The following GIP variants were observed in gnomAD, a reference collection of about 807,000 sequenced individuals.
GIP encodes glucose-dependent insulinotropic polypeptide.
Under a neutral mutation model 18.1 loss-of-function variants are expected in GIP, and 16 were observed. That is an observed-to-expected ratio of 0.88 (90% CI 0.60 to 1.34). GIP has a LOEUF of 1.34. Among genes scored for constraint, GIP ranks in the 40% most tolerant of loss-of-function variants. The pLI, the probability that GIP is intolerant of heterozygous loss-of-function variation, is 0.00. For missense variants in GIP, 192 were observed against 183.4 expected (o/e 1.05, Z -0.27); for synonymous variants, 76 against 74.0 (o/e 1.03, Z -0.14).
rs146878322 is a variant in GIP at position 48,959,000 on chromosome 17, G to C, written c.453-284C>G. On this transcript the variant is annotated intron_variant, in intron 5 of 5. Coordinates refer to ENST00000357424, the MANE Select transcript of GIP (RefSeq NM_004123.3). Reference sequence around the variant, plus strand: ...CTCCCGAGTAGCTGGGACTACAGGCGCCCGCCTCCACGCCCAGCTAATTTT... The same window carrying C: ...CTCCCGAGTAGCTGGGACTACAGGCCCCCGCCTCCACGCCCAGCTAATTTT... Among the ~76,000 whole-genome samples, 889 of 151,674 alleles carry C rather than the reference G, an allele frequency of 5.9e-3. 8 individuals carry two copies. The highest frequency in any genetic ancestry group is 0.021 in the African/African-American group (852 of 41,328).
In GIP at chr17:48,965,303, A is replaced by C. The variant is rs1448239574; in HGVS notation, c.87-823T>G. Among the ~76,000 whole-genome samples, 6 of 15,706 alleles carry C rather than the reference A, an allele frequency of 3.8e-4. 1 individual carries two copies. In the Admixed American group the frequency reaches 4.0e-3, roughly 11 times the overall value. 10.3% of individuals were successfully genotyped at this position (15,706 alleles called of 152,430 possible). Reference sequence around the variant, plus strand: ...GGAACAAGAGCAAAACTTCGTCTCAATAAAAAAAAAAAAAAAAAAGGCTGG... The same window carrying C: ...GGAACAAGAGCAAAACTTCGTCTCACTAAAAAAAAAAAAAAAAAAGGCTGG... On this transcript the variant is annotated intron_variant, in intron 2 of 5. Transcript: ENST00000357424.
chr17:48,961,890 T>C (rs1598103206), intron 3 of GIP, 71 bp from the exon 4 acceptor site: 2 of 1,103,706 alleles, frequency 1.8e-6, no homozygotes, highest in Non-Finnish European at 2.7e-6. Flanking sequence ...AATCTTTTAA[T>C]ATCTGAACCC....
At chr17:48,959,777 G>A in intron 5 of GIP, among the ~76,000 whole-genome samples, 1 of 134,536 alleles carries the variant, frequency 7.4e-6, no homozygotes, top group Non-Finnish European at 1.6e-5. Flanking sequence ...GCAGGACACA[G>A]GATGGGCTCA....
intron 2 of GIP, among the ~76,000 whole-genome samples, chr17:48,965,352 C>G (rs1390753328): frequency 5.3e-5 from 8 of 150,088 alleles, no homozygotes; most frequent in Non-Finnish European, 1.0e-4. Flanking sequence ...CGCCTGTAAT[C>G]CCAGCACTCT....
At chr17:48,966,939 G>A (rs2041238725) in intron 2 of GIP, among the ~76,000 whole-genome samples, 1 of 152,182 alleles carries the variant, frequency 6.6e-6, no homozygotes, top group African/African-American at 2.4e-5. Context: ...TCTAACCATA[G>A]TCTCTCCCAC....
In GIP at chr17:48,967,253, G is replaced by T. The variant is rs368305691; in HGVS notation, c.-21C>A. On this transcript the variant is annotated splice_region_variant and 5_prime_UTR_variant, in exon 2 of 6. Transcript: ENST00000357424. ...ACCATCTTCCAAGGTTATTTCCTGA[G>T]CTAAGACAGAAAAAAGCCAGGACAT... is the stretch of plus-strand genomic sequence containing the variant. The T allele has an allele frequency of 1.6e-5, 25 of 1,606,138 alleles. No homozygotes were observed. Among genetic ancestry groups the T allele is most frequent in the Non-Finnish European group, 2.1e-5 (25 of 1,172,882 alleles).
rs2041181033 is a variant in GIP, at chr17:48,958,558, T to C, written c.*149A>G. ...CACAAAGACAAACATGCCCTGTTAG[T>C]GCTCAGTAGTCATTTTAATAAATTT... On this transcript the variant is annotated 3_prime_UTR_variant, in exon 6 of 6. Coordinates refer to ENST00000357424, the MANE Select transcript of GIP (RefSeq NM_004123.3). 1.5e-6 allele frequency: 1 copy of C among 649,830 alleles called. No individual in the cohort carries two copies. Among genetic ancestry groups the C allele is most frequent in the Admixed American group, 2.4e-5 (1 of 41,600 alleles). 40.3% of individuals were successfully genotyped at this position (649,830 alleles called of 1,614,324 possible).
chr17:48,964,323 C>T lies in GIP; in HGVS notation c.244G>A (p.Gly82Arg), dbSNP rs761410381. 6.2e-7 allele frequency: 1 copy of T among 1,613,624 alleles called. No homozygotes were observed. Among genetic ancestry groups the T allele is most frequent in the South Asian group, 1.1e-5 (1 of 91,050 alleles). ...GCAGCGACTCACTCATTCTTCTTCC[C>T]CTTTTGGGCCAGCAGCCAGTTCACA... ...DFVNWLLAQK[G>R]KKNDWKHNIT... The change falls in exon 3 of 6, where the codon GGG (glycine) becomes AGG (arginine). Residue 82 changes from glycine to arginine, a missense_variant. Coordinates refer to ENST00000357424, the MANE Select transcript of GIP (RefSeq NM_004123.3).
intron 2 of GIP, 34 bp from the exon 3 acceptor site, chr17:48,964,514 G>T: frequency 2.5e-6 from 4 of 1,580,450 alleles, no homozygotes; most frequent in East Asian, 2.2e-5. Flanking sequence ...GGGCAGAGAT[G>T]GGGGGAGAAT....
chr17:48,958,617 G>C lies in GIP; in HGVS notation c.*90C>G, dbSNP rs1219391353. The C allele has an allele frequency of 4.9e-6, 5 of 1,021,204 alleles. No individual in the cohort carries two copies. The highest frequency in any genetic ancestry group is 7.5e-6 in the Non-Finnish European group (5 of 667,632). 63.3% of individuals were successfully genotyped at this position (1,021,204 alleles called of 1,614,324 possible). ...GGCTCGACTTAGCATAAACTTTATT[G>C]GTTTGGGTTCTCTTGGCTATTCTGG... On this transcript the variant is annotated 3_prime_UTR_variant, in exon 6 of 6. Coordinates refer to ENST00000357424, the MANE Select transcript of GIP (RefSeq NM_004123.3).
At position 48,964,174 on chromosome 17, in the gene GIP, A is replaced by AC; in HGVS notation, c.257+135_257+136insG. 3 of 595,020 alleles carry AC rather than the reference A, an allele frequency of 5.0e-6. No homozygotes were observed. The South Asian group carries it at 7.4e-5, about 15-fold the overall frequency. 36.9% of individuals were successfully genotyped at this position (595,020 alleles called of 1,614,324 possible). On this transcript the variant is annotated intron_variant, in intron 3 of 5. Coordinates refer to ENST00000357424, the MANE Select transcript of GIP (RefSeq NM_004123.3). The stretch of plus-strand genomic sequence containing the variant: ...GACTCCATCTCAAAAAAAAAAAAAA[A>AC]AAAGAAAAGAAAAAGAAAGGTGCCA...
intron 1 of GIP, among the ~76,000 whole-genome samples, chr17:48,968,171 C>CA (rs2041245611): frequency 6.6e-6 from 1 of 152,088 alleles, no homozygotes; most frequent in Non-Finnish European, 1.5e-5. Flanking sequence ...TGGCTCACTG[C>CA]AGCCTCGACC....
At chr17:48,963,862 A>AAAAAAAAAAAAAAAAAAAG (rs1168878456) in intron 3 of GIP, among the ~76,000 whole-genome samples, 1 of 136,698 alleles carries the variant, frequency 7.3e-6, no homozygotes, top group Non-Finnish European at 1.5e-5. Context: ...AAAAAAAAAA[A>AAAAAAAAAAAAAAAAAAAG]AGAGAGAGAG....
At chr17:48,962,680 T>C (rs2041207237) in intron 3 of GIP, among the ~76,000 whole-genome samples, 1 of 152,014 alleles carries the variant, frequency 6.6e-6, no homozygotes, top group African/African-American at 2.4e-5. Flanking sequence ...GCCAATCCTG[T>C]TTTCAAAGTC....
At chr17:48,967,069 T>C in intron 2 of GIP, 78 bp downstream of exon 2, 1 of 1,065,936 alleles carries the variant, frequency 9.4e-7, no homozygotes. Flanking sequence ...CTTTCTCATC[T>C]CCCCCTAGAA....
chr17:48,964,341 A>G lies in GIP; in HGVS notation c.226T>C (p.Trp76Arg). 6.2e-7 allele frequency: 1 copy of G among 1,613,930 alleles called. No individual in the cohort carries two copies. The highest frequency in any genetic ancestry group is 1.6e-4 in the Middle Eastern group (1 of 6,062). Reference protein sequence around the residue: ...DKIHQQDFVNWLLAQKGKKND... With the variant: ...DKIHQQDFVNRLLAQKGKKND... ...TTCTTCCCCTTTTGGGCCAGCAGCC[A>G]GTTCACAAAGTCTTGTTGGTGAATC... The change falls in exon 3 of 6, where the codon TGG (tryptophan) becomes CGG (arginine). Residue 76 changes from tryptophan (W) to arginine (R), a missense_variant. Transcript: ENST00000357424.
At chr17:48,959,075 C>T (rs2041185090) in intron 5 of GIP, among the ~76,000 whole-genome samples, 1 of 151,886 alleles carries the variant, frequency 6.6e-6, no homozygotes, top group South Asian at 2.1e-4. Context: ...AGGATGGTCT[C>T]GATCTCCTGA....
chr17:48,960,997 A>C lies in GIP; in HGVS notation c.351-10T>G. On this transcript the variant is annotated splice_polypyrimidine_tract_variant and intron_variant, in intron 4 of 5. Coordinates refer to ENST00000357424, the MANE Select transcript of GIP (RefSeq NM_004123.3). ...GTTCTTGGCTGGGGAGCTGCAAGGG[A>C]ACAGTCTCTGGCTAACTATTTTAGC... The C allele has an allele frequency of 1.3e-6, 2 of 1,587,936 alleles. No homozygotes were observed. The highest frequency in any genetic ancestry group is 1.7e-6 in the Non-Finnish European group (2 of 1,163,004).
At chr17:48,964,771 G>A (rs918961333) in intron 2 of GIP, among the ~76,000 whole-genome samples, 3 of 152,100 alleles carry the variant, frequency 2.0e-5, no homozygotes, top group Non-Finnish European at 4.4e-5. Flanking sequence ...CAAGGCAGGC[G>A]GATCACCTGA....
Sources: allele counts gnomAD v4.1 joint callset (sites outside exome capture counted in the v4.1 genomes callset), GRCh38; gene constraint gnomAD v4.1.1; transcripts MANE v1.5; gene names NCBI Gene and HGNC (gene_info 2026-07-23, HGNC 2026-07-21).